Variants in TMEM135 observed in about 807,000 individuals in gnomAD.
TMEM135 encodes transmembrane protein 135.
TMEM135 carries 30 observed loss-of-function variants against 60.3 expected under a neutral mutation model. The observed-to-expected ratio is 0.50, with a 90% CI of 0.37 to 0.68. TMEM135 has a LOEUF of 0.68. TMEM135 is among the 30% of genes least tolerant of loss of function. TMEM135 has a pLI of 0.00. For synonymous variants in TMEM135, 190 were observed against 186.7 expected (o/e 1.02, Z -0.14); for missense variants, 468 against 548.8 (o/e 0.85, Z 1.47).
chr11:87,284,080 C>A (rs1223707708), intron 6 of TMEM135, among the ~76,000 whole-genome samples: 1 of 151,676 alleles, frequency 6.6e-6, no homozygotes, highest in Non-Finnish European at 1.5e-5. Context: ...AAGACACTTG[C>A]TAAATTTTTC....
chr11:87,100,015 G>T (rs1401961709), intron 4 of TMEM135, among the ~76,000 whole-genome samples: 1 of 152,048 alleles, frequency 6.6e-6, no homozygotes, highest in East Asian at 1.9e-4. Flanking sequence ...CCTGAGTGGT[G>T]GCTGTATCGT....
intron 12 of TMEM135, among the ~76,000 whole-genome samples, chr11:87,314,837 C>T (rs892018359): frequency 1.3e-5 from 2 of 151,656 alleles, no homozygotes; most frequent in Non-Finnish European, 3.0e-5. Flanking sequence ...CCACAGGTAT[C>T]GAGTTATTTT....
intron 5 of TMEM135, among the ~76,000 whole-genome samples, chr11:87,210,493 G>A (rs1057340313): frequency 6.6e-6 from 1 of 152,076 alleles, no homozygotes; most frequent in African/African-American, 2.4e-5. Flanking sequence ...ACATACTGAT[G>A]ATGAGTTCCC....
At chr11:87,245,621 C>G (rs1472556182) in intron 6 of TMEM135, among the ~76,000 whole-genome samples, 1 of 138,610 alleles carries the variant, frequency 7.2e-6, no homozygotes, top group Non-Finnish European at 1.6e-5. Flanking sequence ...TTCTTTGTCT[C>G]TTTTGATTTT....
intron 4 of TMEM135, among the ~76,000 whole-genome samples, chr11:87,104,217 C>G (rs1005530281): frequency 2.6e-5 from 4 of 152,006 alleles, no homozygotes; most frequent in Non-Finnish European, 5.9e-5. Context: ...GTTGTTAGCA[C>G]CTTTGTCAAA....
intron 7 of TMEM135, among the ~76,000 whole-genome samples, chr11:87,297,991 A>T (rs73531620): frequency 0.012 from 1,901 of 152,308 alleles, 50 homozygotes; most frequent in African/African-American, 0.044. Context: ...AAAGCCAAAT[A>T]TATTTTTTAT....
At chr11:87,291,322 C>T (rs1310108977) in intron 6 of TMEM135, among the ~76,000 whole-genome samples, 1 of 152,050 alleles carries the variant, frequency 6.6e-6, no homozygotes, top group East Asian at 1.9e-4. Flanking sequence ...TTTGATCAAA[C>T]CAAAAATTAT....
intron 6 of TMEM135, among the ~76,000 whole-genome samples, chr11:87,284,041 A>G (rs1166120768): frequency 2.6e-5 from 4 of 152,172 alleles, no homozygotes; most frequent in African/African-American, 9.7e-5. Flanking sequence ...AATGTAAATA[A>G]TTTTGGTTCG....
chr11:87,123,590 C>T (rs1385432372), intron 4 of TMEM135, among the ~76,000 whole-genome samples: 1 of 151,974 alleles, frequency 6.6e-6, no homozygotes, highest in African/African-American at 2.4e-5. Context: ...TTTGTGGGGA[C>T]AATATTCAAC....
chr11:87,236,545 G>T, intron 5 of TMEM135, 93 bp from the exon 6 acceptor site: 1 of 1,025,796 alleles, frequency 9.7e-7, no homozygotes, highest in Non-Finnish European at 1.5e-6. Context: ...TATTGTTTCA[G>T]GCACAAGATT....
chr11:87,079,887 G>T (rs1362050968), intron 3 of TMEM135, among the ~76,000 whole-genome samples: 1 of 145,092 alleles, frequency 6.9e-6, no homozygotes, highest in Non-Finnish European at 1.5e-5. Context: ...TGTCGCCCAG[G>T]CTGGAGTGCA....
At chr11:87,237,649 C>T (rs1260344771) in intron 6 of TMEM135, among the ~76,000 whole-genome samples, 3 of 151,840 alleles carry the variant, frequency 2.0e-5, no homozygotes, top group South Asian at 4.1e-4. Context: ...TGAATAATAA[C>T]CAGATGCTAT....
intron 1 of TMEM135, among the ~76,000 whole-genome samples, chr11:87,062,126 C>T (rs574889583): frequency 3.9e-5 from 6 of 151,994 alleles, no homozygotes; most frequent in Non-Finnish European, 8.8e-5. Context: ...CTGCCTCAGC[C>T]TCCTGAGTAG....
chr11:87,175,060 A>G (rs1297013283), intron 5 of TMEM135, among the ~76,000 whole-genome samples: 1 of 152,168 alleles, frequency 6.6e-6, no homozygotes, highest in African/African-American at 2.4e-5. Flanking sequence ...CATGTAGAAG[A>G]AATGTATCTT....
chr11:87,112,526 T>C (rs1179052075), intron 4 of TMEM135, among the ~76,000 whole-genome samples: 2 of 152,154 alleles, frequency 1.3e-5, no homozygotes, highest in Non-Finnish European at 2.9e-5. Flanking sequence ...GAACGGTGTC[T>C]TTCCTTGCAT....
rs754095741 is a variant in TMEM135, at chr11:87,327,251, C to A, written c.*5918C>A. 2.2e-6 allele frequency: 1 copy of A among 454,030 alleles called. No homozygotes were observed. Among genetic ancestry groups the A allele is most frequent in the South Asian group, 1.6e-5 (1 of 64,476 alleles). 28.1% of individuals were successfully genotyped at this position (454,030 alleles called of 1,614,324 possible). On this transcript the variant is annotated 3_prime_UTR_variant, in exon 15 of 15. Coordinates refer to ENST00000305494, the MANE Select transcript of TMEM135 (RefSeq NM_022918.4). The stretch of plus-strand genomic sequence containing the variant: ...TCTGCTTAAAGGAAAGTTCTTTTTA[C>A]CTCTTTTTCTCTTGTTCAAGGTATT...
At chr11:87,155,743 A>T (rs1258534661) in intron 4 of TMEM135, among the ~76,000 whole-genome samples, 1 of 152,084 alleles carries the variant, frequency 6.6e-6, no homozygotes, top group Non-Finnish European at 1.5e-5. Context: ...GAGACAAAGG[A>T]ACTGTATTCT....
At chr11:87,286,995 G>A in intron 6 of TMEM135, among the ~76,000 whole-genome samples, 1 of 152,254 alleles carries the variant, frequency 6.6e-6, no homozygotes, top group African/African-American at 2.4e-5. Context: ...AATCAGAATA[G>A]AATAGAATAT....
At chr11:87,038,531 G>A (rs1949723388) in intron 1 of TMEM135, among the ~76,000 whole-genome samples, 1 of 151,538 alleles carries the variant, frequency 6.6e-6, no homozygotes, top group Admixed American at 6.6e-5. Flanking sequence ...CCTTGTGATG[G>A]AGAGGTATTT....
Sources: allele counts gnomAD v4.1 joint callset (sites outside exome capture counted in the v4.1 genomes callset), GRCh38; gene constraint gnomAD v4.1.1; transcripts MANE v1.5; gene names NCBI Gene and HGNC (gene_info 2026-07-23, HGNC 2026-07-21).